The following GNA12 variants were observed in gnomAD, a reference collection of about 807,000 sequenced individuals.
The protein encoded by GNA12 is guanine nucleotide-binding protein subunit alpha-12.
Under a neutral mutation model 26.0 loss-of-function variants are expected in GNA12, and 9 were observed. The observed-to-expected ratio is 0.35, with a 90% CI of 0.21 to 0.60. The LOEUF (loss-of-function observed/expected upper bound fraction) is 0.60. Among genes scored for constraint, GNA12 ranks in the 20% least tolerant of loss-of-function variants. The pLI, the probability that GNA12 is intolerant of heterozygous loss-of-function variation, is 0.78. For synonymous variants in GNA12, 264 were observed against 219.6 expected, an observed-to-expected ratio of 1.20 and a Z score of -1.79; for missense variants, 405 against 525.8, an observed-to-expected ratio of 0.77 and a Z score of 2.25.
In GNA12 at chr7:2,731,491, G is replaced by T. The variant is rs751868693; in HGVS notation, c.836C>A (p.Thr279Asn). The T allele has an allele frequency of 6.2e-7, 1 of 1,613,816 alleles. No homozygotes were observed. The highest frequency in any genetic ancestry group is 8.5e-7 in the Non-Finnish European group (1 of 1,179,864). ...RLVESMNIFE[T>N]IVNNKLFFNV... ...GAAGAAGAGCTTGTTGTTGACGATG[G>T]TCTCGAAGATGTTCATGGACTCCAC... Residue 279 changes from threonine to asparagine, a missense_variant, in exon 4 of 4, where the codon ACC (threonine) becomes AAC (asparagine). Transcript: ENST00000275364. This position sits in a 1 kb window ranked among gnomAD's most constrained non-coding sequence, Gnocchi z 6.0.
In GNA12 at chr7:2,730,969, C is replaced by G. The variant is rs775345957; in HGVS notation, c.*212G>C. Reference sequence around the variant, plus strand: ...CACTCGGATTTTCAGTAGTTTCACTCGCCCCCAGGATTCAGTAGCTAACGT... The same window carrying G: ...CACTCGGATTTTCAGTAGTTTCACTGGCCCCCAGGATTCAGTAGCTAACGT... On this transcript the variant is annotated 3_prime_UTR_variant, in exon 4 of 4. Coordinates refer to ENST00000275364, the MANE Select transcript of GNA12 (RefSeq NM_007353.3). 5.6e-6 allele frequency: 3 copies of G among 532,358 alleles called. No homozygotes were observed. In the African/African-American group the frequency reaches 5.6e-5, roughly 10 times the overall value. 33.0% of individuals were successfully genotyped at this position (532,358 alleles called of 1,614,324 possible).
chr7:2,786,246 G>A (rs1562427312), intron 2 of GNA12, among the ~76,000 whole-genome samples: 1 of 152,172 alleles, frequency 6.6e-6, no homozygotes, highest in Non-Finnish European at 1.5e-5. Flanking sequence ...CATCATTGGG[G>A]GGAGACCAGG....
chr7:2,728,821 G>A lies in GNA12; in HGVS notation c.*2360C>T, dbSNP rs1207533946. The A allele has an allele frequency of 2.6e-5, 4 of 152,348 alleles. No individual in the cohort carries two copies. The highest frequency in any genetic ancestry group is 9.7e-5 in the African/African-American group (4 of 41,440). The allele number at this position is 152,348 out of a possible 1,614,324, so 9.4% of individuals were successfully genotyped here. The stretch of plus-strand genomic sequence containing the variant: ...TTTGGAAGGGGGTGTCTTTAAAAAC[G>A]TTCTAATTCACCCCGGTCATGAGGA... On this transcript the variant is annotated 3_prime_UTR_variant, in exon 4 of 4. Coordinates refer to ENST00000275364, the MANE Select transcript of GNA12 (RefSeq NM_007353.3).
chr7:2,796,610 T>G (rs924165832), intron 1 of GNA12, among the ~76,000 whole-genome samples: 2 of 152,174 alleles, frequency 1.3e-5, no homozygotes, highest in African/African-American at 4.8e-5. Flanking sequence ...ACAAGCCAAG[T>G]AGCCCGCCCA....
intron 1 of GNA12, among the ~76,000 whole-genome samples, chr7:2,813,436 G>A (rs181570161): frequency 2.0e-5 from 3 of 152,230 alleles, no homozygotes; most frequent in Non-Finnish European, 4.4e-5. Context: ...AGAGGGAACA[G>A]AAGTTCCCAG....
intron 1 of GNA12, among the ~76,000 whole-genome samples, chr7:2,802,714 T>C (rs1338398663): frequency 6.6e-6 from 1 of 152,228 alleles, no homozygotes; most frequent in Non-Finnish European, 1.5e-5. Flanking sequence ...GCTGAGTTGT[T>C]TGCCTTTGGC....
At chr7:2,733,659 T>TA (rs879705460) in intron 2 of GNA12, among the ~76,000 whole-genome samples, 158 bp from the exon 3 acceptor site, 24 of 152,324 alleles carry the variant, frequency 1.6e-4, no homozygotes, top group Non-Finnish European at 3.2e-4. Context: ...TTTTCTAAAA[T>TA]AAAAAAACTA....
At chr7:2,814,097 T>C (rs573412182) in intron 1 of GNA12, among the ~76,000 whole-genome samples, 172 of 152,298 alleles carry the variant, frequency 1.1e-3, no homozygotes, top group African/African-American at 3.8e-3. Flanking sequence ...CCTTCGGACA[T>C]GAGCTGAGTT....
chr7:2,762,296 C>G (rs547442744), intron 2 of GNA12: 1 of 273,870 alleles, frequency 3.7e-6, no homozygotes, highest in Non-Finnish European at 6.8e-6. Flanking sequence ...GCGGGGCCGG[C>G]GTGCACCCAC....
chr7:2,828,456 C>T (rs952144290), intron 1 of GNA12, among the ~76,000 whole-genome samples: 3 of 152,166 alleles, frequency 2.0e-5, no homozygotes, highest in East Asian at 1.9e-4. Context: ...TGTGCTCAAG[C>T]GATCCTCCTG....
At chr7:2,842,001 TAGGG>T (rs1554264300) in intron 1 of GNA12, among the ~76,000 whole-genome samples, 1 of 95,792 alleles carries the variant, frequency 1.0e-5, no homozygotes, top group Admixed American at 1.1e-4. Context: ...GGTAGAGAGG[TAGGG>T]AGGGAGGGAG....
At chr7:2,802,550 A>AC (rs2115468741) in intron 1 of GNA12, among the ~76,000 whole-genome samples, 2 of 152,274 alleles carry the variant, frequency 1.3e-5, no homozygotes, top group South Asian at 4.1e-4. Flanking sequence ...CACAATAAAT[A>AC]CCAAAGCTAC....
intron 2 of GNA12, among the ~76,000 whole-genome samples, chr7:2,765,794 CT>C (rs986811551): frequency 1.3e-5 from 2 of 151,782 alleles, no homozygotes; most frequent in African/African-American, 4.8e-5. Context: ...ATACACCCAG[CT>C]AATTTTTGTT....
At chr7:2,826,031 C>G (rs1562447280) in intron 1 of GNA12, among the ~76,000 whole-genome samples, 1 of 152,100 alleles carries the variant, frequency 6.6e-6, no homozygotes, top group African/African-American at 2.4e-5. Context: ...AACTCTCATT[C>G]CCTGCTCTGG....
At chr7:2,779,833 T>C (rs1792175991) in intron 2 of GNA12, among the ~76,000 whole-genome samples, 2 of 151,796 alleles carry the variant, frequency 1.3e-5, no homozygotes, top group Admixed American at 1.3e-4. Context: ...CCTGGCCTCA[T>C]GTGATCTGCC....
At chr7:2,819,799 C>T (rs1007064198) in intron 1 of GNA12, among the ~76,000 whole-genome samples, 2 of 152,124 alleles carry the variant, frequency 1.3e-5, no homozygotes, top group African/African-American at 2.4e-5. Flanking sequence ...AGAAATGTTG[C>T]GGCCAATTCA....
At chr7:2,732,698 G>A (rs911264958) in intron 3 of GNA12, among the ~76,000 whole-genome samples, 1 of 152,198 alleles carries the variant, frequency 6.6e-6, no homozygotes, top group Non-Finnish European at 1.5e-5. Flanking sequence ...GGGGTGTGCA[G>A]GGGACAGAGA....
At chr7:2,741,476 T>C (rs935176329) in intron 2 of GNA12, among the ~76,000 whole-genome samples, 3 of 152,190 alleles carry the variant, frequency 2.0e-5, no homozygotes, top group African/African-American at 4.8e-5. Context: ...CATGTCACAG[T>C]TGGACTGCCT....
At chr7:2,759,933 C>A (rs557029043) in intron 2 of GNA12, among the ~76,000 whole-genome samples, 2 of 152,358 alleles carry the variant, frequency 1.3e-5, no homozygotes, top group East Asian at 3.9e-4. Context: ...CCACCTGCTC[C>A]TGCCAAGCAG....
Sources: allele counts gnomAD v4.1 joint callset (sites outside exome capture counted in the v4.1 genomes callset), GRCh38; gene constraint gnomAD v4.1.1; non-coding constraint Gnocchi (gnomAD v3.1); transcripts MANE v1.5; gene names NCBI Gene and HGNC (gene_info 2026-07-23, HGNC 2026-07-21).